Variants in MACC1 observed in about 807,000 individuals in gnomAD.
The protein encoded by MACC1 is MET transcriptional regulator MACC1.
MACC1 carries 79 observed loss-of-function variants against 70.7 expected under a neutral mutation model. The observed-to-expected ratio is 1.12, with a 90% CI of 0.93 to 1.35. MACC1 has a LOEUF of 1.35. Among genes scored for constraint, MACC1 ranks in the 40% most tolerant of loss-of-function variants. The pLI is 0.00. For synonymous variants in MACC1, 361 were observed against 347.2 expected (o/e 1.04, Z -0.44); for missense variants, 1,106 against 978.1 (o/e 1.13, Z -1.74).
intron 2 of MACC1, among the ~76,000 whole-genome samples, chr7:20,166,489 CTGAT>C (rs1353853790): frequency 6.6e-6 from 1 of 152,188 alleles, no homozygotes; most frequent in Non-Finnish European, 1.5e-5. Context: ...GTGGCACTCT[CTGAT>C]TGGTAATTTT....
chr7:20,206,068 T>C (rs898050364), intron 1 of MACC1, among the ~76,000 whole-genome samples: 1 of 151,838 alleles, frequency 6.6e-6, no homozygotes, highest in Admixed American at 6.6e-5. Context: ...ATCGTCTTTC[T>C]CACACATTAT....
Position 20,159,037 on chromosome 7 carries a change from G to A in MACC1, c.1324C>T (p.Pro442Ser). The A allele has an allele frequency of 6.2e-7, 1 of 1,613,608 alleles. No individual in the cohort carries two copies. The highest frequency in any genetic ancestry group is 8.5e-7 in the Non-Finnish European group (1 of 1,179,940). ...CCTTCTGTCTTTACTTCAAAATCAG[G>A]ATCACAGGAAAAAATAGAAATACTT... The part of the protein sequence containing the change: ...DLSISIFSCD[P>S]DFEVKTEGER... Residue 442 changes from proline to serine, a missense_variant, in exon 5 of 7, where the codon CCT becomes TCT. Pro to Ser is a moderately conservative substitution (Grantham distance 74). Transcript: ENST00000400331.
chr7:20,208,157 A>C (rs768540796), intron 1 of MACC1, among the ~76,000 whole-genome samples: 2 of 152,220 alleles, frequency 1.3e-5, no homozygotes, highest in Non-Finnish European at 2.9e-5. Context: ...TCTTTCTTTT[A>C]TAAATTATCC....
chr7:20,147,420 C>T (rs1037229012), intron 6 of MACC1: 14 of 152,304 alleles, frequency 9.2e-5, no homozygotes, highest in Admixed American at 2.6e-4. Context: ...CTCCTATAAA[C>T]TTACAGGAAC....
chr7:20,146,286 T>C (rs909809944), intron 6 of MACC1, among the ~76,000 whole-genome samples: 1 of 152,224 alleles, frequency 6.6e-6, no homozygotes, highest in Non-Finnish European at 1.5e-5. Flanking sequence ...TATGAACATT[T>C]GGACACAAGT....
At chr7:20,176,878 G>A (rs1293504318) in intron 1 of MACC1, among the ~76,000 whole-genome samples, 13 of 152,160 alleles carry the variant, frequency 8.5e-5, no homozygotes, top group Admixed American at 8.5e-4. Flanking sequence ...TTATAGTGAT[G>A]GCGAGCAGAT....
chr7:20,158,004 G>A (rs1294048205), intron 5 of MACC1, among the ~76,000 whole-genome samples, 200 bp downstream of exon 5: 1 of 152,106 alleles, frequency 6.6e-6, no homozygotes, highest in African/African-American at 2.4e-5. Flanking sequence ...GGTTTTTGGG[G>A]AAATCACAGT....
intron 6 of MACC1, among the ~76,000 whole-genome samples, chr7:20,151,874 A>G (rs1394224050): frequency 6.6e-6 from 1 of 152,140 alleles, no homozygotes; most frequent in Non-Finnish European, 1.5e-5. Flanking sequence ...CATATTAAAC[A>G]GTGATGGACA....
intron 6 of MACC1, among the ~76,000 whole-genome samples, chr7:20,147,901 C>T (rs1168343299): frequency 6.6e-6 from 1 of 152,328 alleles, no homozygotes; most frequent in East Asian, 1.9e-4. Flanking sequence ...GAGGATTCCT[C>T]ATTGCCTCCT....
chr7:20,186,298 T>A (rs1782588498), intron 1 of MACC1, among the ~76,000 whole-genome samples: 1 of 152,180 alleles, frequency 6.6e-6, no homozygotes, highest in Non-Finnish European at 1.5e-5. Flanking sequence ...GAGGTATTTA[T>A]GACCAACAAC....
chr7:20,166,029 C>T (rs1475580880), intron 2 of MACC1, among the ~76,000 whole-genome samples: 1 of 152,160 alleles, frequency 6.6e-6, no homozygotes, highest in Non-Finnish European at 1.5e-5. Flanking sequence ...GAAAACAATA[C>T]ACTTAAAAGA....
rs1781706901 is a variant in MACC1, at chr7:20,135,449, A to G, written c.*5497T>C. 6.6e-6 allele frequency: 1 copy of G among 152,226 alleles called. No individual in the cohort carries two copies. The highest frequency in any genetic ancestry group is 1.5e-5 in the Non-Finnish European group (1 of 68,034). 9.4% of individuals were successfully genotyped at this position (152,226 alleles called of 1,614,324 possible). A position where few individuals can be genotyped will look rare whatever the true frequency, so the allele number is the denominator to read the frequency against. ...AATCTCATTTATCTTAAAGCAAATT[A>G]GAGGACTTATAAAAAATCTTTCCAT... On this transcript the variant is annotated 3_prime_UTR_variant, in exon 7 of 7. Transcript: ENST00000400331.
chr7:20,192,907 C>A (rs988318818), intron 1 of MACC1, among the ~76,000 whole-genome samples: 15 of 152,314 alleles, frequency 9.8e-5, no homozygotes, highest in African/African-American at 3.1e-4. Context: ...GAGGGAATGT[C>A]TTTGACAATG....
chr7:20,183,710 C>CTTTTT (rs59702885), intron 1 of MACC1, among the ~76,000 whole-genome samples: 17 of 140,560 alleles, frequency 1.2e-4, no homozygotes, highest in African/African-American at 2.4e-4. Flanking sequence ...CTGATTCTAA[C>CTTTTT]TTTTTTTTTT....
rs777949866 is a variant in MACC1 at position 20,159,249 on chromosome 7, G to T, written c.1112C>A (p.Ser371Ter). 56 of 1,613,846 alleles carry T rather than the reference G, an allele frequency of 3.5e-5. No individual in the cohort carries two copies. The highest frequency in any genetic ancestry group is 4.3e-5 in the Non-Finnish European group (51 of 1,179,958). ...TIWDYIHKTT[S>*]IGIYGPKYIH... ...ATATTTGGGTCCATAAATTCCAATT[G>T]AGGTGGTTTTGTGGATATAATCCCA... Residue 371 changes from serine to a stop codon, truncating the protein, a stop_gained, in exon 5 of 7, where the codon TCA becomes TAA. Transcript: ENST00000400331. LOFTEE classifies it high-confidence loss of function.
chr7:20,158,694 G>T lies in MACC1; in HGVS notation c.1667C>A (p.Thr556Asn), dbSNP rs760965856. 2 of 1,613,828 alleles carry T rather than the reference G, an allele frequency of 1.2e-6. No homozygotes were observed. Among genetic ancestry groups the T allele is most frequent in the Admixed American group, 1.7e-5 (1 of 59,998 alleles). ...GCTTTGTCTTAGCACTGCCTTCAGGGTTACCCCATAGTTGCTAAAGTTCAA... is the reference window on the plus strand; with the variant it reads ...GCTTTGTCTTAGCACTGCCTTCAGGTTTACCCCATAGTTGCTAAAGTTCAA... ...KTLNFSNYGV[T>N]LKAVLRQSKI... The change falls in exon 5 of 7, where the codon ACC (threonine) becomes AAC (asparagine). Residue 556 changes from threonine (T) to asparagine (N), a missense_variant. Coordinates refer to ENST00000400331, the MANE Select transcript of MACC1 (RefSeq NM_182762.4).
rs190007701 is a variant in MACC1 at position 20,141,172 on chromosome 7, A to G, written c.2347-14T>C. 212 of 1,548,478 alleles carry G rather than the reference A, an allele frequency of 1.4e-4. No homozygotes were observed. The highest frequency in any genetic ancestry group is 6.9e-4 in the Middle Eastern group (4 of 5,826). ...TTTCCACATCATCTATAAAGAAAAAAAATAGATTGGAGTAGTGTGGAAGTA... is the reference window on the plus strand; with the variant it reads ...TTTCCACATCATCTATAAAGAAAAAGAATAGATTGGAGTAGTGTGGAAGTA... On this transcript the variant is annotated splice_polypyrimidine_tract_variant and intron_variant, in intron 6 of 6. Transcript: ENST00000400331.
chr7:20,163,879 C>T (rs1782173165), intron 3 of MACC1, among the ~76,000 whole-genome samples: 1 of 152,186 alleles, frequency 6.6e-6, no homozygotes, highest in Non-Finnish European at 1.5e-5. Flanking sequence ...TCCCAATGTA[C>T]CTTCTGAGAC....
chr7:20,162,058 A>G (rs181188928), intron 3 of MACC1, among the ~76,000 whole-genome samples, 188 bp from the exon 4 acceptor site: 3 of 152,224 alleles, frequency 2.0e-5, no homozygotes, highest in African/African-American at 7.2e-5. Context: ...CCACTAAAAA[A>G]TGATCAAATT....
Sources: gnomAD v4.1 joint callset for allele counts (sites outside exome capture counted in the v4.1 genomes callset) on GRCh38, gnomAD v4.1.1 for gene constraint, MANE v1.5 for transcripts, NCBI Gene and HGNC (gene_info 2026-07-23, HGNC 2026-07-21) for gene names.